CCDC102B: variants seen among roughly 807,000 people sequenced by gnomAD.
CCDC102B encodes the protein coiled-coil domain-containing protein 102B.
CCDC102B carries 75 observed loss-of-function variants against 57.4 expected under a neutral mutation model. The ratio of observed to expected loss-of-function variants is 1.31; its 90% CI spans 1.08 to 1.58. CCDC102B has a LOEUF of 1.58. Ranked by LOEUF, CCDC102B falls within the 40% of genes most tolerant of loss-of-function variation. The pLI is 0.00. For synonymous variants in CCDC102B, 206 were observed against 201.9 expected (o/e 1.02, Z -0.17); for missense variants, 636 against 582.6 (o/e 1.09, Z -0.94).
intron 6 of CCDC102B, among the ~76,000 whole-genome samples, chr18:68,979,101 T>G (rs2050510816): frequency 6.6e-6 from 1 of 152,042 alleles, no homozygotes; most frequent in Admixed American, 6.6e-5. Context: ...CTGGCAACAT[T>G]CTGTATTCTA....
At chr18:68,786,332 A>G (rs1426581931) in intron 2 of CCDC102B, among the ~76,000 whole-genome samples, 41 of 145,594 alleles carry the variant, frequency 2.8e-4, no homozygotes, top group African/African-American at 9.7e-4. Context: ...TTCCATATGA[A>G]CTTTAAAGTA....
chr18:69,025,567 C>T (rs1322082683), intron 7 of CCDC102B, among the ~76,000 whole-genome samples: 2 of 152,152 alleles, frequency 1.3e-5, no homozygotes, highest in Non-Finnish European at 2.9e-5. Flanking sequence ...CATTTTATTG[C>T]TCTACCAAGC....
chr18:68,793,401 T>C (rs1347171631), upstream of CCDC102B, among the ~76,000 whole-genome samples: 1 of 152,194 alleles, frequency 6.6e-6, no homozygotes, highest in African/African-American at 2.4e-5. Context: ...GACAGGCATA[T>C]ATGTATCTAA....
At chr18:68,805,812 A>T (rs551153207) in intron 1 of CCDC102B, among the ~76,000 whole-genome samples, 1 of 152,134 alleles carries the variant, frequency 6.6e-6, no homozygotes, top group African/African-American at 2.4e-5. Flanking sequence ...GGACATGAAA[A>T]TTTTTCTTGT....
At chr18:68,856,847 T>C (rs2038408827) in intron 4 of CCDC102B, among the ~76,000 whole-genome samples, 1 of 150,748 alleles carries the variant, frequency 6.6e-6, no homozygotes, top group Admixed American at 6.7e-5. Flanking sequence ...TGGATGAAAA[T>C]AAAGAACTTT....
intron 6 of CCDC102B, among the ~76,000 whole-genome samples, chr18:68,956,844 G>C (rs962316277): frequency 6.6e-6 from 1 of 150,720 alleles, no homozygotes. Flanking sequence ...ATAATATCTC[G>C]CTGTAATTTT....
rs977188988 is a variant in CCDC102B, at chr18:68,789,189, C to T, written c.-66-34177C>T. Reference sequence around the variant, plus strand: ...CTCTTCTGGCTTGTAGCGTTTCTGCCGAGAGATCTGCTGTTAGTCTGATGG... The same window carrying T: ...CTCTTCTGGCTTGTAGCGTTTCTGCTGAGAGATCTGCTGTTAGTCTGATGG... On this transcript the variant is annotated intron_variant, in intron 2 of 3. Coordinates refer to the CCDC102B transcript ENST00000578970. Among the ~76,000 whole-genome samples, 11 of 152,226 alleles carry T rather than the reference C, an allele frequency of 7.2e-5. No individual in the cohort carries two copies. The Middle Eastern group carries it at 0.01, about 141-fold the overall frequency.
chr18:68,719,862 C>T (rs1239262871), intron 2 of CCDC102B, among the ~76,000 whole-genome samples: 1 of 152,140 alleles, frequency 6.6e-6, no homozygotes, highest in African/African-American at 2.4e-5. Flanking sequence ...CCAGAGGAGT[C>T]ATGTGAGAAT....
At chr18:68,736,811 G>A (rs897176911) in intron 2 of CCDC102B, among the ~76,000 whole-genome samples, 1 of 151,998 alleles carries the variant, frequency 6.6e-6, no homozygotes, top group African/African-American at 2.4e-5. Flanking sequence ...ACAACAAGTG[G>A]GAATTCTGAG....
At chr18:69,045,354 CAT>C (rs2052534731) in intron 7 of CCDC102B, among the ~76,000 whole-genome samples, 1 of 151,858 alleles carries the variant, frequency 6.6e-6, no homozygotes, top group Admixed American at 6.6e-5. Context: ...AAATTATTAA[CAT>C]GTTAATCATT....
chr18:68,930,780 A>G (rs1341647962), intron 6 of CCDC102B, among the ~76,000 whole-genome samples: 1 of 151,922 alleles, frequency 6.6e-6, no homozygotes, highest in Non-Finnish European at 1.5e-5. Context: ...ATTTTTCTAT[A>G]TCTTCAATAG....
At chr18:68,957,430 T>C (rs1178472927) in intron 6 of CCDC102B, among the ~76,000 whole-genome samples, 1 of 152,116 alleles carries the variant, frequency 6.6e-6, no homozygotes, top group East Asian at 1.9e-4. Flanking sequence ...TTTAGAGGTA[T>C]AGATTTATTT....
chr18:68,715,926 C>A (rs1599360025), intron 1 of CCDC102B, among the ~76,000 whole-genome samples: 1 of 152,048 alleles, frequency 6.6e-6, no homozygotes, highest in South Asian at 2.1e-4. Context: ...TGATGTCAGC[C>A]GGTTCACCTT....
intron 7 of CCDC102B, among the ~76,000 whole-genome samples, chr18:69,021,565 A>G (rs549231310): frequency 3.3e-5 from 5 of 152,328 alleles, no homozygotes; most frequent in African/African-American, 1.2e-4. Flanking sequence ...TAACGTTGTG[A>G]GAGATATTCA....
chr18:68,757,241 A>G (rs2034082557), intron 2 of CCDC102B, among the ~76,000 whole-genome samples: 1 of 152,150 alleles, frequency 6.6e-6, no homozygotes, highest in Non-Finnish European at 1.5e-5. Flanking sequence ...AGCTTGCATG[A>G]AGAAAATGGC....
chr18:69,008,850 T>C (rs1347529587), intron 6 of CCDC102B, among the ~76,000 whole-genome samples: 1 of 152,232 alleles, frequency 6.6e-6, no homozygotes, highest in Non-Finnish European at 1.5e-5. Context: ...TTTTGCATTT[T>C]GCTTTAACAT....
chr18:68,984,381 G>T (rs974418300), intron 6 of CCDC102B, among the ~76,000 whole-genome samples: 1 of 152,014 alleles, frequency 6.6e-6, no homozygotes, highest in Non-Finnish European at 1.5e-5. Flanking sequence ...AGGTGATGTC[G>T]ATTTGCTGAA....
intron 6 of CCDC102B, among the ~76,000 whole-genome samples, chr18:68,988,282 T>G (rs1006785754): frequency 2.0e-5 from 3 of 151,768 alleles, no homozygotes; most frequent in African/African-American, 7.3e-5. Flanking sequence ...CCTAAGCAAA[T>G]TAACACAGGA....
intron 6 of CCDC102B, among the ~76,000 whole-genome samples, chr18:68,983,158 G>A (rs905056789): frequency 1.8e-4 from 27 of 150,936 alleles, no homozygotes; most frequent in African/African-American, 5.1e-4. Context: ...GTGATTAAAA[G>A]GTTTTTTTTT....
Sources: allele counts gnomAD v4.1 joint callset (sites outside exome capture counted in the v4.1 genomes callset), GRCh38; gene constraint gnomAD v4.1.1; transcripts MANE v1.5; gene names NCBI Gene and HGNC (gene_info 2026-07-23, HGNC 2026-07-21).